TULP4: variants seen among roughly 807,000 people sequenced by gnomAD.
The protein encoded by TULP4 is TUB like protein 4.
TULP4 carries 16 observed loss-of-function variants against 129.0 expected under a neutral mutation model. That is an observed-to-expected ratio of 0.12 (90% CI 0.08 to 0.19). TULP4 has a LOEUF of 0.19. TULP4 is among the 10% of genes least tolerant of loss of function. TULP4 has a pLI of 1.00. For missense variants in TULP4, 1,842 were observed against 2,059.1 expected (o/e 0.89, Z 2.04); for synonymous variants, 998 against 854.0 (o/e 1.17, Z -2.94).
chr6:158,338,634 A>G (rs1009720285), intron 1 of TULP4, among the ~76,000 whole-genome samples: 2 of 152,198 alleles, frequency 1.3e-5, no homozygotes, highest in Admixed American at 6.5e-5. Context: ...GTGACATTGA[A>G]TCAGCCATGT....
At chr6:158,392,664 C>A (rs1159849862) in intron 1 of TULP4, among the ~76,000 whole-genome samples, 1 of 152,058 alleles carries the variant, frequency 6.6e-6, no homozygotes, top group Non-Finnish European at 1.5e-5. Flanking sequence ...GGGTGGAAAT[C>A]AGCAGAGGCA....
intron 1 of TULP4, among the ~76,000 whole-genome samples, chr6:158,275,335 G>A (rs1778625554): frequency 6.6e-6 from 1 of 152,190 alleles, no homozygotes; most frequent in Non-Finnish European, 1.5e-5. Context: ...TGGTTCTGTG[G>A]ATAGTGGAAG....
chr6:158,260,731 G>A (rs1183082491), intron 1 of TULP4, among the ~76,000 whole-genome samples: 1 of 152,034 alleles, frequency 6.6e-6, no homozygotes, highest in Non-Finnish European at 1.5e-5. Context: ...AGAGGATGAG[G>A]GGCTGGGGAA....
In TULP4 at chr6:158,297,554, C is replaced by T. The variant is rs1779056187; in HGVS notation, n.117-14497C>T. On this transcript the variant is annotated intron_variant and non_coding_transcript_variant, in intron 1 of 1. Coordinates refer to the TULP4 transcript ENST00000432358. ...GTGATAAATGTCCATGAAATCTTCA[C>T]AGTTTATGTTCAGAGATTGCAGTAA... Among the ~76,000 whole-genome samples, 5 of 152,122 alleles carry T rather than the reference C, an allele frequency of 3.3e-5. No individual in the cohort carries two copies. In the South Asian group the frequency reaches 1.0e-3, roughly 32 times the overall value.
At chr6:158,311,366 G>A (rs996892142), upstream of TULP4, among the ~76,000 whole-genome samples, 4 of 152,146 alleles carry the variant, frequency 2.6e-5, no homozygotes, top group Admixed American at 1.3e-4. Context: ...TGGCGGGGCG[G>A]GAGGGCAGGG....
chr6:158,341,526 C>A (rs932962970), intron 1 of TULP4, among the ~76,000 whole-genome samples: 1 of 152,152 alleles, frequency 6.6e-6, no homozygotes, highest in Non-Finnish European at 1.5e-5. Context: ...AACGTTCCGT[C>A]CAACAATATA....
chr6:158,379,601 G>C (rs563242001), intron 1 of TULP4, among the ~76,000 whole-genome samples: 88 of 152,278 alleles, frequency 5.8e-4, no homozygotes, highest in African/African-American at 2.0e-3. Context: ...TGTTTCAAGC[G>C]ATAACCTCAA....
At chr6:158,328,283 C>A (rs1779795752) in intron 1 of TULP4, among the ~76,000 whole-genome samples, 1 of 151,976 alleles carries the variant, frequency 6.6e-6, no homozygotes, top group Non-Finnish European at 1.5e-5. Context: ...TGCAGCTTTG[C>A]ACCTGTTATT....
chr6:158,251,503 C>A (rs776479444), intron 1 of TULP4, among the ~76,000 whole-genome samples: 2 of 152,170 alleles, frequency 1.3e-5, no homozygotes, highest in Non-Finnish European at 2.9e-5. Flanking sequence ...AGTACACTGT[C>A]TCTTCTAATT....
chr6:158,253,737 T>C (rs946781519), intron 1 of TULP4, among the ~76,000 whole-genome samples: 2 of 152,140 alleles, frequency 1.3e-5, no homozygotes, highest in Non-Finnish European at 2.9e-5. Context: ...TACCTTTCCA[T>C]ATAGAAGACA....
At chr6:158,470,309 G>C (rs1779650269) in intron 6 of TULP4, among the ~76,000 whole-genome samples, 2 of 152,238 alleles carry the variant, frequency 1.3e-5, no homozygotes, top group African/African-American at 4.8e-5. Context: ...ACATGGACCA[G>C]AAGAGTGCAG....
chr6:158,502,210 A>ACCCCCCCCC lies in TULP4; in HGVS notation c.2552_2553insCCCCCCCCC (p.Pro851_Pro853dup). The stretch of plus-strand genomic sequence containing the variant: ...TCCCCGCTGCCCCCACCACAGCAGC[A>ACCCCCCCCC]CCCCCGCCCCCTCTGCCGCCCCCAC... On this transcript the variant is annotated inframe_insertion, in exon 13 of 14. Coordinates refer to ENST00000367097, the MANE Select transcript of TULP4 (RefSeq NM_020245.5). 3 of 805,674 alleles carry ACCCCCCCCC rather than the reference A, an allele frequency of 3.7e-6. No individual in the cohort carries two copies. Among genetic ancestry groups the ACCCCCCCCC allele is most frequent in the Non-Finnish European group, 5.2e-6 (3 of 577,914 alleles). The allele number at this position is 805,674 out of a possible 1,614,324, so 49.9% of individuals were successfully genotyped here.
At chr6:158,442,402 T>C (rs996616978) in intron 3 of TULP4, among the ~76,000 whole-genome samples, 4 of 152,096 alleles carry the variant, frequency 2.6e-5, no homozygotes, top group African/African-American at 9.7e-5. Context: ...GGACTCAAAG[T>C]AGGATGAGCC....
exon 1 of TULP4, chr6:158,282,328 T>C (rs1387378947): frequency 2.0e-5 from 3 of 152,088 alleles, no homozygotes; most frequent in African/African-American, 7.2e-5. Context: ...GATCTTAAAT[T>C]TGTGGTATAA....
chr6:158,416,833 A>G (rs1778223286), intron 2 of TULP4, among the ~76,000 whole-genome samples: 1 of 152,190 alleles, frequency 6.6e-6, no homozygotes, highest in South Asian at 2.1e-4. Flanking sequence ...ACCACTTTTT[A>G]TCTTTTATAC....
At chr6:158,477,504 A>G (rs947415862) in intron 6 of TULP4, among the ~76,000 whole-genome samples, 3 of 152,248 alleles carry the variant, frequency 2.0e-5, no homozygotes, top group African/African-American at 7.2e-5. Context: ...GCCAACAAGC[A>G]TATGAAAAAT....
intron 1 of TULP4, among the ~76,000 whole-genome samples, chr6:158,351,707 CTTTTTTTTTTTTTTTTT>C (rs1160814801): frequency 2.8e-4 from 14 of 50,498 alleles, no homozygotes; most frequent in Non-Finnish European, 1.7e-4. Context: ...TGTTGTTAAA[CTTTTTTTTTTTTTTTTT>C]TTTTTTTTTT....
chr6:158,451,220 G>C (rs1779157215), intron 4 of TULP4, among the ~76,000 whole-genome samples: 1 of 152,134 alleles, frequency 6.6e-6, no homozygotes, highest in Non-Finnish European at 1.5e-5. Flanking sequence ...AGCAGGGGGG[G>C]CAGTTTAGAG....
chr6:158,494,447 C>T (rs889609522), intron 10 of TULP4, among the ~76,000 whole-genome samples: 1 of 152,140 alleles, frequency 6.6e-6, no homozygotes, highest in African/African-American at 2.4e-5. Context: ...GGCGAAATAT[C>T]AAAGATAAAA....
Sources: gnomAD v4.1 joint callset for allele counts (sites outside exome capture counted in the v4.1 genomes callset) on GRCh38, gnomAD v4.1.1 for gene constraint, MANE v1.5 for transcripts, NCBI Gene and HGNC (gene_info 2026-07-23, HGNC 2026-07-21) for gene names.